The following TRMT9B variants were observed in gnomAD, a reference collection of about 807,000 sequenced individuals.
TRMT9B encodes the protein probable tRNA methyltransferase 9B.
A neutral mutation model predicts 11.5 loss-of-function variants in TRMT9B; 16 were observed. The ratio of observed to expected loss-of-function variants is 1.39; its 90% CI spans 0.94 to 2.11. The LOEUF is 2.11. TRMT9B is among the 30% of genes most tolerant of loss of function. TRMT9B has a pLI of 0.00. For synonymous variants in TRMT9B, 274 were observed against 192.4 expected, an observed-to-expected ratio of 1.42 and a Z score of -3.51; for missense variants, 941 against 553.8, an observed-to-expected ratio of 1.70 and a Z score of -7.02.
At chr8:12,969,143 A>G (rs1051112245) in intron 1 of TRMT9B, among the ~76,000 whole-genome samples, 3 of 152,066 alleles carry the variant, frequency 2.0e-5, no homozygotes, top group Non-Finnish European at 4.4e-5. Flanking sequence ...GAAGGTGGAG[A>G]TTGCAGTGAG....
intron 1 of TRMT9B, among the ~76,000 whole-genome samples, chr8:12,951,165 G>C (rs1214391748): frequency 2.6e-5 from 4 of 152,132 alleles, no homozygotes; most frequent in Admixed American, 2.6e-4. Context: ...TCTGATGGAT[G>C]CTTTTTTGAT....
At position 12,998,835 on chromosome 8, in the gene TRMT9B, G is replaced by C. The variant is rs140156270; in HGVS notation, c.-1-7367G>C. Among the ~76,000 whole-genome samples, 289 of 152,300 alleles carry C rather than the reference G, an allele frequency of 1.9e-3. 1 individual carries two copies. Among genetic ancestry groups the C allele is most frequent in the African/African-American group, 6.3e-3 (260 of 41,564 alleles). On this transcript the variant is annotated intron_variant, in intron 2 of 4. Coordinates refer to ENST00000524591, the MANE Select transcript of TRMT9B (RefSeq NM_020844.3). The stretch of plus-strand genomic sequence containing the variant: ...GCCTCTGGGTGTGAATATGTGCATA[G>C]CTTTCCAGTGATCATTAAGAAGCTG...
chr8:13,021,937 C>G lies in TRMT9B; in HGVS notation c.1258C>G (p.Leu420Val). The G allele has an allele frequency of 6.2e-7, 1 of 1,613,738 alleles. No homozygotes were observed. The highest frequency in any genetic ancestry group is 8.5e-7 in the Non-Finnish European group (1 of 1,179,864). Residue 420 changes from leucine to valine, a missense_variant, in exon 5 of 5, where the codon CTC (leucine) becomes GTC (valine). Coordinates refer to ENST00000524591, the MANE Select transcript of TRMT9B (RefSeq NM_020844.3). The part of the protein sequence containing the change: ...RYYHVFREGE[L>V]CSLLKENVSE... ...CTACCATGTGTTTCGAGAAGGGGAG[C>G]TCTGCAGTCTGCTCAAGGAGAATGT...
Position 13,021,194 on chromosome 8 carries a change from C to T in TRMT9B, c.515C>T (p.Ser172Phe). Residue 172 changes from serine (S) to phenylalanine (F), a missense_variant, in exon 5 of 5, where the codon TCC becomes TTC. By Grantham distance (155) the Ser-to-Phe change is radical (BLOSUM62 -2). Coordinates refer to ENST00000524591, the MANE Select transcript of TRMT9B (RefSeq NM_020844.3). ...CTGTGTTCCCAGCTCTTCTCAGAGT[C>T]CAGCCAGTCTGGGAGGAAGAGGCAG... ...RALCSQLFSE[S>F]SQSGRKRQCG... 6.2e-7 allele frequency: 1 copy of T among 1,613,716 alleles called. No homozygotes were observed. Among genetic ancestry groups the T allele is most frequent in the Non-Finnish European group, 8.5e-7 (1 of 1,179,762 alleles).
intron 1 of TRMT9B, among the ~76,000 whole-genome samples, chr8:12,971,014 T>A (rs967055181): frequency 5.3e-5 from 8 of 152,242 alleles, no homozygotes; most frequent in African/African-American, 1.9e-4. Flanking sequence ...ATCATAGTTG[T>A]ACATATTTTG....
intron 1 of TRMT9B, among the ~76,000 whole-genome samples, chr8:12,948,505 T>C (rs1424581012): frequency 6.8e-6 from 1 of 148,024 alleles, no homozygotes; most frequent in Non-Finnish European, 1.5e-5. Context: ...TTAAAATATA[T>C]AATACATGTG....
At chr8:12,949,550 G>A (rs553983117) in intron 1 of TRMT9B, among the ~76,000 whole-genome samples, 1 of 152,094 alleles carries the variant, frequency 6.6e-6, no homozygotes, top group Non-Finnish European at 1.5e-5. Context: ...TGCCGCTTAT[G>A]ATGGCCTCAA....
rs1175119917 is a variant in TRMT9B at position 13,027,162 on chromosome 8, C to T, written c.*5118C>T. 6.0e-6 allele frequency: 1 copy of T among 167,050 alleles called. No homozygotes were observed. Among genetic ancestry groups the T allele is most frequent in the Non-Finnish European group, 1.5e-5 (1 of 68,128 alleles). 10.3% of individuals were successfully genotyped at this position (167,050 alleles called of 1,614,324 possible). On this transcript the variant is annotated 3_prime_UTR_variant, in exon 5 of 5. Transcript: ENST00000524591. The stretch of plus-strand genomic sequence containing the variant: ...ACTAAGCCCTGCTGTGTGCTGGATA[C>T]ACAGTCTGCTGTGTGCTGGATACAT...
In TRMT9B at chr8:13,023,882, C is replaced by A. The variant is rs573891762; in HGVS notation, c.*1838C>A. 1 of 166,772 alleles carries A rather than the reference C, an allele frequency of 6.0e-6. No individual in the cohort carries two copies. Among genetic ancestry groups the A allele is most frequent in the Admixed American group, 6.6e-5 (1 of 15,254 alleles). 10.3% of individuals were successfully genotyped at this position (166,772 alleles called of 1,614,324 possible). On this transcript the variant is annotated 3_prime_UTR_variant, in exon 5 of 5. Transcript: ENST00000524591. ...GATGTTTATAACTCTCTTTTGGCTT[C>A]AAAATAAGATTGTGTTATCACCATT... is the stretch of plus-strand genomic sequence containing the variant.
intron 1 of TRMT9B, among the ~76,000 whole-genome samples, chr8:12,981,650 A>T (rs1805411907): frequency 6.6e-6 from 1 of 151,640 alleles, no homozygotes; most frequent in South Asian, 2.1e-4. Flanking sequence ...CCCAGGCTGG[A>T]GTGCAGTGTT....
intron 3 of TRMT9B, chr8:13,007,347 C>T (rs1434607482): frequency 1.3e-5 from 2 of 152,152 alleles, no homozygotes; most frequent in African/African-American, 4.8e-5. Context: ...AACTGGTAAA[C>T]CACAGCTTAG....
In TRMT9B at chr8:13,028,819, G is replaced by A. The variant is rs946295466; in HGVS notation, c.*6775G>A. ...TGGTCTTGAACTCCTGACCTCTTAC[G>A]AGCTAATCATACCACTTCTAACTAG... is the stretch of plus-strand genomic sequence containing the variant. On this transcript the variant is annotated 3_prime_UTR_variant, in exon 5 of 5. Transcript: ENST00000524591. 10 of 166,238 alleles carry A rather than the reference G, an allele frequency of 6.0e-5. No homozygotes were observed. Among genetic ancestry groups the A allele is most frequent in the Admixed American group, 5.3e-4 (8 of 15,202 alleles). 10.3% of individuals were successfully genotyped at this position (166,238 alleles called of 1,614,324 possible).
chr8:12,982,426 C>T (rs1805562591), intron 1 of TRMT9B, among the ~76,000 whole-genome samples: 1 of 152,148 alleles, frequency 6.6e-6, no homozygotes, highest in African/African-American at 2.4e-5. Flanking sequence ...GTTTGGGATG[C>T]CGAGGTAGGT....
At chr8:13,018,179 A>G (rs567293258) in intron 4 of TRMT9B, among the ~76,000 whole-genome samples, 36 of 150,792 alleles carry the variant, frequency 2.4e-4, no homozygotes, top group Admixed American at 2.0e-3. Context: ...AGGCAGGAGG[A>G]TGGCTTGAGC....
At chr8:13,011,426 C>G (rs1406808841) in intron 3 of TRMT9B, 2 of 985,250 alleles carry the variant, frequency 2.0e-6, no homozygotes, top group Non-Finnish European at 2.4e-6. Flanking sequence ...TCAGAAGCAG[C>G]AAACTAATCA....
In TRMT9B at chr8:13,006,100, T is replaced by C. The variant is rs767561533; in HGVS notation, c.-1-102T>C. The C allele has an allele frequency of 1.0e-4, 111 of 1,079,880 alleles. No homozygotes were observed. In the Middle Eastern group the frequency reaches 1.0e-3, roughly 10 times the overall value. The allele number at this position is 1,079,880 out of a possible 1,614,324, so 66.9% of individuals were successfully genotyped here. ...AGAAAGTGTGCAAACAGCATGAGTT[T>C]GCAGTTGTAGGCTCCAGATTTTAGG... is the stretch of plus-strand genomic sequence containing the variant. On this transcript the variant is annotated intron_variant, in intron 2 of 4. Coordinates refer to ENST00000524591, the MANE Select transcript of TRMT9B (RefSeq NM_020844.3).
chr8:12,997,536 A>C (rs1808586632), intron 2 of TRMT9B, among the ~76,000 whole-genome samples: 1 of 152,146 alleles, frequency 6.6e-6, no homozygotes, highest in Admixed American at 6.5e-5. Context: ...AAATGGACTA[A>C]TATAGGGACT....
At chr8:12,959,693 T>A (rs1801825620) in intron 1 of TRMT9B, among the ~76,000 whole-genome samples, 1 of 151,810 alleles carries the variant, frequency 6.6e-6, no homozygotes, top group South Asian at 2.1e-4. Flanking sequence ...CTAACTTTGT[T>A]TAGTTTTTGT....
chr8:13,011,766 T>A (rs983495430), intron 3 of TRMT9B: 3 of 964,712 alleles, frequency 3.1e-6, no homozygotes, highest in Non-Finnish European at 3.7e-6. Flanking sequence ...AAGTAGTTTT[T>A]ATAATCTGAG....
Sources: allele counts gnomAD v4.1 joint callset (sites outside exome capture counted in the v4.1 genomes callset), GRCh38; gene constraint gnomAD v4.1.1; transcripts MANE v1.5; gene names NCBI Gene and HGNC (gene_info 2026-07-23, HGNC 2026-07-21).